Variants in ASIC2 observed in about 807,000 individuals in gnomAD.
ASIC2 encodes acid-sensing ion channel 2.
Under a neutral mutation model 57.3 loss-of-function variants are expected in ASIC2, and 25 were observed. That is an observed-to-expected ratio of 0.44 (90% confidence interval 0.32 to 0.61). ASIC2 has a LOEUF of 0.61. Among genes scored for constraint, ASIC2 ranks in the 20% least tolerant of loss-of-function variants. ASIC2 has a pLI of 0.06. For synonymous variants in ASIC2, 319 were observed against 307.5 expected (o/e 1.04, Z -0.39); for missense variants, 641 against 738.1 (o/e 0.87, Z 1.52).
At position 33,213,878 on chromosome 17, in the gene ASIC2, G is replaced by A. The variant is rs866520628; in HGVS notation, c.708+77530C>T. On this transcript the variant is annotated intron_variant, in intron 1 of 9. Coordinates refer to ENST00000225823, the MANE Select transcript of ASIC2 (RefSeq NM_183377.2). ...TACTGATTCTCTCCCTGGCCCCTCTGGGCATTCTCACAAGTTGAGAGAATA... is the reference window on the plus strand; with the variant it reads ...TACTGATTCTCTCCCTGGCCCCTCTAGGCATTCTCACAAGTTGAGAGAATA... Among the ~76,000 whole-genome samples, 3 of 152,132 alleles carry A rather than the reference G, an allele frequency of 2.0e-5. No individual in the cohort carries two copies. In the South Asian group the frequency reaches 6.2e-4, roughly 32 times the overall value.
intron 1 of ASIC2, among the ~76,000 whole-genome samples, chr17:33,788,459 T>C (rs1024341529): frequency 3.3e-5 from 5 of 152,172 alleles, no homozygotes; most frequent in Non-Finnish European, 7.3e-5. Context: ...TTGGTGGGAA[T>C]GTAAATTAGT....
chr17:33,543,872 C>T (rs1423809907), intron 1 of ASIC2, among the ~76,000 whole-genome samples: 1 of 152,134 alleles, frequency 6.6e-6, no homozygotes, highest in Non-Finnish European at 1.5e-5. Flanking sequence ...TTTAAATAGG[C>T]TTACAGGGGA....
intron 1 of ASIC2, among the ~76,000 whole-genome samples, chr17:33,513,421 T>C (rs1914483086): frequency 6.6e-6 from 1 of 152,236 alleles, no homozygotes; most frequent in Non-Finnish European, 1.5e-5. Flanking sequence ...TTTCATTACT[T>C]TCTAGATAAT....
intron 1 of ASIC2, among the ~76,000 whole-genome samples, chr17:33,767,286 G>A (rs928610418): frequency 6.6e-6 from 1 of 152,140 alleles, no homozygotes; most frequent in Admixed American, 6.5e-5. Flanking sequence ...TTTCCTGTGC[G>A]CTGCAGAGTT....
intron 1 of ASIC2, among the ~76,000 whole-genome samples, chr17:33,644,852 T>A (rs867164142): frequency 3.9e-5 from 6 of 152,206 alleles, no homozygotes; most frequent in African/African-American, 1.4e-4. Flanking sequence ...ATTGGCTTGA[T>A]TGAATATGTG....
intron 3 of ASIC2, among the ~76,000 whole-genome samples, chr17:33,086,791 C>T (rs1413760321): frequency 6.6e-6 from 1 of 152,174 alleles, no homozygotes; most frequent in African/African-American, 2.4e-5. Context: ...GTCTCCCCGT[C>T]TCTGTGGGAG....
upstream of ASIC2, among the ~76,000 whole-genome samples, chr17:33,296,629 A>C (rs1029076628): frequency 6.6e-6 from 1 of 152,178 alleles, no homozygotes; most frequent in African/African-American, 2.4e-5. Flanking sequence ...CAGTGGCAGG[A>C]AAGTCTTCTG....
chr17:33,750,554 C>T (rs1333593858), intron 1 of ASIC2, among the ~76,000 whole-genome samples: 1 of 152,128 alleles, frequency 6.6e-6, no homozygotes, highest in African/African-American at 2.4e-5. Flanking sequence ...GAGGGCCCTA[C>T]ATTTAATAAC....
intron 3 of ASIC2, among the ~76,000 whole-genome samples, chr17:33,068,264 T>G (rs1291811157): frequency 6.6e-6 from 1 of 152,102 alleles, no homozygotes. Flanking sequence ...GCCAGGATGG[T>G]TGGTCACTGT....
intron 1 of ASIC2, among the ~76,000 whole-genome samples, chr17:33,396,854 C>T (rs940417030): frequency 6.6e-6 from 1 of 152,194 alleles, no homozygotes; most frequent in Non-Finnish European, 1.5e-5. Flanking sequence ...GAAATTCTGC[C>T]ATTAGCTGTT....
chr17:33,576,511 T>C (rs1384928196), intron 1 of ASIC2, among the ~76,000 whole-genome samples: 1 of 152,194 alleles, frequency 6.6e-6, no homozygotes, highest in East Asian at 1.9e-4. Context: ...ACAGCATAGA[T>C]AGTACAAGTT....
intron 1 of ASIC2, among the ~76,000 whole-genome samples, chr17:33,249,175 C>A (rs1908797382): frequency 6.6e-6 from 1 of 152,008 alleles, no homozygotes; most frequent in African/African-American, 2.4e-5. Flanking sequence ...AGATTTTTCA[C>A]TTGAACAACT....
chr17:33,694,867 C>T (rs1050324735), intron 1 of ASIC2, among the ~76,000 whole-genome samples: 11 of 152,082 alleles, frequency 7.2e-5, no homozygotes, highest in South Asian at 4.2e-4. Flanking sequence ...GCTTGTCCTC[C>T]GTGTCTTCTC....
chr17:33,948,935 C>T (rs996917653), intron 1 of ASIC2, among the ~76,000 whole-genome samples: 7 of 152,150 alleles, frequency 4.6e-5, no homozygotes, highest in African/African-American at 7.2e-5. Context: ...AAAGGGTCTT[C>T]GTTGCAACTA....
intron 1 of ASIC2, among the ~76,000 whole-genome samples, chr17:33,566,757 T>C (rs1366380521): frequency 6.6e-6 from 1 of 152,130 alleles, no homozygotes; most frequent in African/African-American, 2.4e-5. Flanking sequence ...ATTTAAGATG[T>C]CTTCCCCCTG....
chr17:33,299,938 A>G (rs186893342), intron 1 of ASIC2, among the ~76,000 whole-genome samples: 38 of 152,326 alleles, frequency 2.5e-4, no homozygotes, highest in African/African-American at 8.9e-4. Flanking sequence ...CTTGCTGTAA[A>G]TCACACCGGT....
intron 1 of ASIC2, among the ~76,000 whole-genome samples, chr17:33,702,132 T>G (rs1908720250): frequency 6.6e-6 from 1 of 152,220 alleles, no homozygotes; most frequent in Non-Finnish European, 1.5e-5. Flanking sequence ...ATCAGGATGA[T>G]GTGAGTTTGT....
intron 1 of ASIC2, among the ~76,000 whole-genome samples, chr17:33,210,152 C>T (rs1283171205): frequency 6.6e-6 from 1 of 152,174 alleles, no homozygotes; most frequent in African/African-American, 2.4e-5. Context: ...TGTTTCTCCA[C>T]CTCACAGACA....
chr17:33,702,202 G>A (rs1456825591), intron 1 of ASIC2, among the ~76,000 whole-genome samples: 1 of 152,168 alleles, frequency 6.6e-6, no homozygotes, highest in Admixed American at 6.5e-5. Flanking sequence ...TCTGTAAAAT[G>A]GTGATACCTC....
Sources: gnomAD v4.1 joint callset for allele counts (sites outside exome capture counted in the v4.1 genomes callset) on GRCh38, gnomAD v4.1.1 for gene constraint, MANE v1.5 for transcripts, NCBI Gene and HGNC (gene_info 2026-07-23, HGNC 2026-07-21) for gene names.